IL34: variants seen among roughly 807,000 people sequenced by gnomAD.
IL34 encodes the protein interleukin 34, also known as interleukin-34.
A neutral mutation model predicts 25.3 loss-of-function variants in IL34; 17 were observed. The observed-to-expected ratio is 0.67, with a 90% CI of 0.46 to 1.01. IL34 has a LOEUF of 1.01. Ranked by LOEUF, IL34 falls within the 50% of genes least tolerant of loss-of-function variation. IL34 has a pLI of 0.00. For missense variants in IL34, 368 were observed against 312.9 expected (o/e 1.18, Z -1.33); for synonymous variants, 174 against 140.9 (o/e 1.23, Z -1.66).
chr16:70,583,941 C>G (rs575330554), intron 1 of IL34, among the ~76,000 whole-genome samples: 2 of 152,272 alleles, frequency 1.3e-5, no homozygotes, highest in Admixed American at 1.3e-4. Flanking sequence ...CGTGAACCAC[C>G]GTGCCTGGCC....
At chr16:70,645,229 G>A (rs2051898593), upstream of IL34, among the ~76,000 whole-genome samples, 1 of 152,068 alleles carries the variant, frequency 6.6e-6, no homozygotes, top group African/African-American at 2.4e-5. Context: ...GCAGCGACTG[G>A]GGCTGAGATT....
chr16:70,660,248 G>T lies in IL34; in HGVS notation c.*61G>T. The T allele has an allele frequency of 6.9e-7, 1 of 1,445,534 alleles. No individual in the cohort carries two copies. Among genetic ancestry groups the T allele is most frequent in the Non-Finnish European group, 9.2e-7 (1 of 1,082,100 alleles). The allele number at this position is 1,445,534 out of a possible 1,614,324, so 89.5% of individuals were successfully genotyped here. Reference sequence around the variant, plus strand: ...GACCAGCTCCCACAGGAGTTCAACTGGGTCTGAGACTTCAAGGGGTGGTGG... The same window carrying T: ...GACCAGCTCCCACAGGAGTTCAACTTGGTCTGAGACTTCAAGGGGTGGTGG... On this transcript the variant is annotated 3_prime_UTR_variant, in exon 6 of 6. Coordinates refer to ENST00000288098, the MANE Select transcript of IL34 (RefSeq NM_001393494.1).
Position 70,659,740 on chromosome 16 carries a change from G to C in IL34, c.525G>C (p.Leu175=). Reference sequence around the variant, plus strand: ...ACTGCTTCCGGGTCATGGAGCTGCTGTACTGCTCCTGCTGTAAGGAGCTCT... The same window carrying C: ...ACTGCTTCCGGGTCATGGAGCTGCTCTACTGCTCCTGCTGTAAGGAGCTCT... ...LDNCFRVMEL[L]YCSCCKQSSV... is the part of the protein sequence containing the mutation. Residue 175 remains leucine (L), a synonymous_variant, in exon 5 of 6, where the codon CTG becomes CTC. Coordinates refer to ENST00000288098, the MANE Select transcript of IL34 (RefSeq NM_001393494.1). 1 of 1,603,086 alleles carries C rather than the reference G, an allele frequency of 6.2e-7. No homozygotes were observed.
At chr16:70,654,336 A>G in intron 1 of IL34, 1 of 582,708 alleles carries the variant, frequency 1.7e-6, no homozygotes, top group South Asian at 2.8e-5. Context: ...GACTCTCTGC[A>G]CTGCTAGTGC....
At chr16:70,659,835 T>A in intron 5 of IL34, 82 bp downstream of exon 5, 1 of 1,526,294 alleles carries the variant, frequency 6.6e-7, no homozygotes, top group Non-Finnish European at 8.8e-7. Context: ...AGAGCTGGCG[T>A]CCTCCCGGGC....
In IL34 at chr16:70,600,478, A is replaced by G. The variant is rs78884013; in HGVS notation, c.-401+20429A>G. On this transcript the variant is annotated intron_variant, in intron 1 of 6. Transcript: ENST00000429149. ...AAACATTGACAGAACACAGCGCTGC[A>G]CATGGAACTATTCTGTAAGCCCCAA... Among the ~76,000 whole-genome samples the G allele has an allele frequency of 6.2e-3, 939 of 152,348 alleles. 14 individuals carry two copies. The highest frequency in any genetic ancestry group is 0.021 in the African/African-American group (886 of 41,578).
At chr16:70,659,213 G>A (rs767845949) in intron 4 of IL34, among the ~76,000 whole-genome samples, 12 of 152,212 alleles carry the variant, frequency 7.9e-5, no homozygotes, top group Non-Finnish European at 1.5e-4. Flanking sequence ...TTAAGCCTCA[G>A]TGTCTCTGTG....
At chr16:70,625,536 C>A (rs533608219) in intron 1 of IL34, among the ~76,000 whole-genome samples, 178 of 152,130 alleles carry the variant, frequency 1.2e-3, no homozygotes, top group Middle Eastern at 6.8e-3. Context: ...GGAACTTGCC[C>A]CTCCCCCAGA....
At chr16:70,653,680 CAAAA>C (rs763032125) in intron 1 of IL34, among the ~76,000 whole-genome samples, 81 of 150,604 alleles carry the variant, frequency 5.4e-4, no homozygotes, top group Middle Eastern at 3.4e-3. Context: ...CCAGGGTGAC[CAAAA>C]AAAAGAAAAA....
intron 1 of IL34, among the ~76,000 whole-genome samples, chr16:70,612,965 G>A (rs928010875): frequency 6.6e-6 from 1 of 152,154 alleles, no homozygotes; most frequent in Non-Finnish European, 1.5e-5. Flanking sequence ...TAGAGGCGGG[G>A]CTTCACTGTG....
At chr16:70,613,813 G>T (rs1256518548) in intron 1 of IL34, among the ~76,000 whole-genome samples, 3 of 151,258 alleles carry the variant, frequency 2.0e-5, no homozygotes, top group Non-Finnish European at 4.4e-5. Context: ...GGTGGAGGTT[G>T]CAGTGAGCTG....
intron 1 of IL34, among the ~76,000 whole-genome samples, chr16:70,639,724 G>A (rs570180640): frequency 7.9e-5 from 12 of 152,300 alleles, no homozygotes; most frequent in Admixed American, 5.2e-4. Context: ...GGAGGCCGGG[G>A]TCGAGGATTG....
intron 1 of IL34, among the ~76,000 whole-genome samples, chr16:70,619,741 G>A (rs539439190): frequency 7.4e-4 from 112 of 152,246 alleles, no homozygotes; most frequent in Non-Finnish European, 8.1e-4. Flanking sequence ...CCGCTAAGCC[G>A]AGAAGATCTG....
upstream of IL34, among the ~76,000 whole-genome samples, chr16:70,644,386 T>C (rs1291405537): frequency 6.6e-6 from 1 of 152,118 alleles, no homozygotes; most frequent in African/African-American, 2.4e-5. Context: ...TTTTTGAATC[T>C]GAGTAACTGC....
chr16:70,626,403 T>C (rs1474429451), intron 1 of IL34, among the ~76,000 whole-genome samples: 1 of 152,208 alleles, frequency 6.6e-6, no homozygotes, highest in African/African-American at 2.4e-5. Flanking sequence ...TGTTTTTGTT[T>C]TTGTTTTTTT....
At chr16:70,621,087 C>T (rs894100220) in intron 1 of IL34, among the ~76,000 whole-genome samples, 4 of 151,904 alleles carry the variant, frequency 2.6e-5, no homozygotes, top group Non-Finnish European at 5.9e-5. Context: ...GGTTCTTGCC[C>T]CCTAGGAAAG....
intron 1 of IL34, among the ~76,000 whole-genome samples, chr16:70,639,050 G>A (rs961197766): frequency 2.0e-5 from 3 of 152,300 alleles, no homozygotes; most frequent in Non-Finnish European, 2.9e-5. Context: ...TGATTCTGTG[G>A]CTTGTAAAGC....
At chr16:70,595,263 C>T (rs1165880294) in intron 1 of IL34, among the ~76,000 whole-genome samples, 2 of 151,840 alleles carry the variant, frequency 1.3e-5, no homozygotes, top group African/African-American at 4.8e-5. Context: ...GCCTGGCCTG[C>T]ATTTCAATTT....
chr16:70,582,275 C>T (rs2050643991), intron 1 of IL34, among the ~76,000 whole-genome samples: 1 of 152,276 alleles, frequency 6.6e-6, no homozygotes, highest in African/African-American at 2.4e-5. Context: ...TCTGTTGTCA[C>T]ATCTGGATGC....
Sources: gnomAD v4.1 joint callset for allele counts (sites outside exome capture counted in the v4.1 genomes callset) on GRCh38, gnomAD v4.1.1 for gene constraint, MANE v1.5 for transcripts, NCBI Gene and HGNC (gene_info 2026-07-23, HGNC 2026-07-21) for gene names.